The following ARHGAP11B variants were observed in gnomAD, a reference collection of about 807,000 sequenced individuals.
The protein encoded by ARHGAP11B is Rho GTPase activating protein 11B.
A neutral mutation model predicts 27.6 loss-of-function variants in ARHGAP11B; 14 were observed. The observed-to-expected ratio is 0.51, with a 90% CI of 0.34 to 0.79. ARHGAP11B has a LOEUF of 0.79. ARHGAP11B is among the 30% of genes least tolerant of loss of function. The pLI, the probability that ARHGAP11B is intolerant of heterozygous loss-of-function variation, is 0.02. For synonymous variants in ARHGAP11B, 82 were observed against 114.1 expected, an observed-to-expected ratio of 0.72 and a Z score of 1.80; for missense variants, 245 against 320.1, an observed-to-expected ratio of 0.77 and a Z score of 1.79.
At chr15:30,627,657 A>G (rs1285279809) in intron 1 of ARHGAP11B, among the ~76,000 whole-genome samples, 3 of 151,990 alleles carry the variant, frequency 2.0e-5, no homozygotes, top group Non-Finnish European at 2.9e-5. Flanking sequence ...GGGATTTTGA[A>G]TGAGATTTTA....
chr15:30,639,203 A>C (rs991878447), intron 7 of ARHGAP11B, among the ~76,000 whole-genome samples: 2 of 152,176 alleles, frequency 1.3e-5, no homozygotes, highest in African/African-American at 4.8e-5. Flanking sequence ...TTATTCAGCC[A>C]GTAAGAGTCA....
chr15:30,626,643 A>G lies in ARHGAP11B; in HGVS notation c.-178A>G, dbSNP rs2060209077. 1 of 789,832 alleles carries G rather than the reference A, an allele frequency of 1.3e-6. No individual in the cohort carries two copies. The highest frequency in any genetic ancestry group is 2.7e-5 in the East Asian group (1 of 36,606). The allele number at this position is 789,832 out of a possible 1,614,324, so 48.9% of individuals were successfully genotyped here. On this transcript the variant is annotated 5_prime_UTR_variant, in exon 1 of 11. An upstream open reading frame in the 5' UTR loses its in-frame stop. Coordinates refer to ENST00000428041, the Ensembl canonical transcript of ARHGAP11B. The stretch of plus-strand genomic sequence containing the variant: ...AAGCGGGTCTGTGTAAGTGGATGTG[A>G]GTGAGGATCAAGGAAAAGCCGTGGA...
At chr15:30,628,051 T>C (rs1160226525) in intron 1 of ARHGAP11B, among the ~76,000 whole-genome samples, 1 of 151,438 alleles carries the variant, frequency 6.6e-6, no homozygotes, top group Non-Finnish European at 1.5e-5. Flanking sequence ...GTATATGGAC[T>C]TTTTTTCACC....
At chr15:30,633,912 C>G (rs1486416720) in intron 3 of ARHGAP11B, among the ~76,000 whole-genome samples, 3 of 151,676 alleles carry the variant, frequency 2.0e-5, no homozygotes, top group African/African-American at 7.3e-5. Flanking sequence ...GTAGTCCCAG[C>G]TACTTGGGAG....
At chr15:30,630,840 G>C (rs566274237) in intron 2 of ARHGAP11B, 67 bp downstream of exon 2, 1 of 1,608,776 alleles carries the variant, frequency 6.2e-7, no homozygotes, top group African/African-American at 1.3e-5. Context: ...AGCATTTTGA[G>C]AGGCCGAGGT....
intron 7 of ARHGAP11B, among the ~76,000 whole-genome samples, chr15:30,642,004 C>A (rs1034362694): frequency 6.6e-5 from 10 of 152,040 alleles, no homozygotes; most frequent in Non-Finnish European, 1.3e-4. Flanking sequence ...ACGTGAGCCA[C>A]GGTGCCTGGC....
At chr15:30,647,255 G>C (rs905144764) in intron 9 of ARHGAP11B, among the ~76,000 whole-genome samples, 10 of 151,670 alleles carry the variant, frequency 6.6e-5, no homozygotes, top group African/African-American at 2.2e-4. Context: ...CTCATGTTTA[G>C]CATCGATTGG....
chr15:30,641,207 C>G (rs2060313111), intron 7 of ARHGAP11B, among the ~76,000 whole-genome samples: 1 of 151,938 alleles, frequency 6.6e-6, no homozygotes, highest in Non-Finnish European at 1.5e-5. Flanking sequence ...AGCCACAATT[C>G]AACAAATTCC....
intron 9 of ARHGAP11B, chr15:30,647,569 T>C (rs1419144952): frequency 6.0e-6 from 1 of 166,744 alleles, no homozygotes; most frequent in Non-Finnish European, 1.5e-5. Context: ...ATTTCCTTTT[T>C]ATAAAGATCT....
chr15:30,635,649 A>G lies in ARHGAP11B; in HGVS notation c.*3+16A>G, dbSNP rs2060275596. The G allele has an allele frequency of 9.3e-6, 15 of 1,612,790 alleles. 1 individual carries two copies. The highest frequency in any genetic ancestry group is 1.2e-5 in the Non-Finnish European group (14 of 1,179,326). On this transcript the variant is annotated intron_variant, in intron 6 of 10. Transcript: ENST00000428041. ...CGTGTAGGAGGTAAGTGGTGGTCCCATTTTATGGAGGTACAGTGATTTGCT... is the reference window on the plus strand; with the variant it reads ...CGTGTAGGAGGTAAGTGGTGGTCCCGTTTTATGGAGGTACAGTGATTTGCT...
chr15:30,648,091 G>T (rs529873427), intron 10 of ARHGAP11B, among the ~76,000 whole-genome samples: 1 of 151,878 alleles, frequency 6.6e-6, no homozygotes, highest in African/African-American at 2.4e-5. Context: ...GAGCCACTGC[G>T]CCAGGCTAAC....
At chr15:30,645,784 CA>C (rs1210753641) in intron 8 of ARHGAP11B, among the ~76,000 whole-genome samples, 1 of 152,000 alleles carries the variant, frequency 6.6e-6, no homozygotes, top group Non-Finnish European at 1.5e-5. Context: ...TTTATTTATA[CA>C]AAGGCTCTTT....
intron 6 of ARHGAP11B, 104 bp from the exon 7 acceptor site, chr15:30,638,642 C>T (rs1476568891): frequency 3.6e-5 from 21 of 575,512 alleles, no homozygotes; most frequent in South Asian, 5.0e-5. Flanking sequence ...ATTTATAAGC[C>T]GATGTAAAGT....
At chr15:30,632,526 T>C (rs2060252491) in intron 2 of ARHGAP11B, among the ~76,000 whole-genome samples, 1 of 151,890 alleles carries the variant, frequency 6.6e-6, no homozygotes, top group Non-Finnish European at 1.5e-5. Context: ...TACTTTTTAT[T>C]TAATTAAAAA....
intron 6 of ARHGAP11B, among the ~76,000 whole-genome samples, chr15:30,637,398 A>G (rs973032701): frequency 1.6e-4 from 25 of 152,040 alleles, no homozygotes; most frequent in African/African-American, 5.6e-4. Context: ...TTTTTGTGTC[A>G]TATAAGATTC....
At chr15:30,628,172 C>T (rs2060222014) in intron 1 of ARHGAP11B, among the ~76,000 whole-genome samples, 1 of 151,764 alleles carries the variant, frequency 6.6e-6, no homozygotes, top group Non-Finnish European at 1.5e-5. Context: ...GCTCCGCCTC[C>T]CGGGTTCACG....
intron 1 of ARHGAP11B, among the ~76,000 whole-genome samples, chr15:30,629,521 C>G (rs1256525751): frequency 6.6e-6 from 1 of 152,008 alleles, no homozygotes; most frequent in East Asian, 1.9e-4. Context: ...CCACTGCACT[C>G]CAGCCTGGGC....
At position 30,629,291 on chromosome 15, in the gene ARHGAP11B, C is replaced by T. The variant is rs572767349; in HGVS notation, c.130-1412C>T. Among the ~76,000 whole-genome samples the T allele has an allele frequency of 2.6e-4, 39 of 152,152 alleles. No homozygotes were observed. The South Asian group carries it at 7.9e-3, about 31-fold the overall frequency. ...GGGTGCGATGGCTCACGCCTGTAAT[C>T]CCAGCATTTTGGGAGGCCGAGGAGG... On this transcript the variant is annotated intron_variant, in intron 1 of 10. Transcript: ENST00000428041.
intron 6 of ARHGAP11B, among the ~76,000 whole-genome samples, chr15:30,636,773 C>T (rs2060282331): frequency 1.3e-5 from 2 of 152,080 alleles, no homozygotes; most frequent in Non-Finnish European, 2.9e-5. Flanking sequence ...TAGTGGCTGT[C>T]AGTCCTTAGC....
Sources: gnomAD v4.1 joint callset for allele counts (sites outside exome capture counted in the v4.1 genomes callset) on GRCh38, gnomAD v4.1.1 for gene constraint, MANE v1.5 for transcripts, NCBI Gene and HGNC (gene_info 2026-07-23, HGNC 2026-07-21) for gene names.